KMT2D: variants seen among roughly 807,000 people sequenced by gnomAD.
KMT2D encodes histone-lysine N-methyltransferase 2D.
KMT2D carries 55 observed loss-of-function variants against 512.7 expected under a neutral mutation model. The ratio of observed to expected loss-of-function variants is 0.11; its 90% CI spans 0.09 to 0.13. The LOEUF (loss-of-function observed/expected upper bound fraction) is 0.13. Among genes scored for constraint, KMT2D ranks in the 10% least tolerant of loss-of-function variants. The pLI is 1.00. For missense variants in KMT2D, 6,061 were observed against 7,127.9 expected (o/e 0.85, Z 5.39); for synonymous variants, 2,995 against 2,904.0 (o/e 1.03, Z -1.01).
chr12:49,038,859 T>A lies in KMT2D; in HGVS notation c.8497A>T (p.Met2833Leu). The A allele has an allele frequency of 9.0e-6, 14 of 1,552,692 alleles. No individual in the cohort carries two copies. Among genetic ancestry groups the A allele is most frequent in the South Asian group, 1.2e-5 (1 of 84,168 alleles). The change falls in exon 35 of 55, where the codon ATG (methionine) becomes TTG (leucine). Residue 2833 changes from methionine to leucine, a missense_variant. Transcript: ENST00000301067. The surrounding 1 kb of genome is among the most constrained non-coding windows in gnomAD (Gnocchi z 5.7). ...ATAATSMRFAMSARFPSTPGP... is the reference protein window; with the variant it reads ...ATAATSMRFALSARFPSTPGP... Reference sequence around the variant, plus strand: ...GGAGTTGATGGAAAGCGAGCTGACATGGCAAATCGCATGGAGGTTGCTGCT... The same window carrying A: ...GGAGTTGATGGAAAGCGAGCTGACAAGGCAAATCGCATGGAGGTTGCTGCT...
chr12:49,034,398 C>A lies in KMT2D; in HGVS notation c.10507+12G>T, dbSNP rs765018690. 7.4e-6 allele frequency: 12 copies of A among 1,613,698 alleles called. No individual in the cohort carries two copies. The highest frequency in any genetic ancestry group is 1.6e-4 in the Middle Eastern group (1 of 6,084). ...CACTCCCCTGCACCTTCCTCCCACG[C>A]CCCATACTCACTGATCACTCCCTGA... On this transcript the variant is annotated intron_variant, in intron 38 of 54. Coordinates refer to ENST00000301067, the MANE Select transcript of KMT2D (RefSeq NM_003482.4).
rs2137699792 is a variant in KMT2D at position 49,020,271 on chromosome 12, A to G, written c.*1509T>C. 1 of 164,408 alleles carries G rather than the reference A, an allele frequency of 6.1e-6. No individual in the cohort carries two copies. The highest frequency in any genetic ancestry group is 2.4e-5 in the African/African-American group (1 of 41,212). The allele number at this position is 164,408 out of a possible 1,614,324, so 10.2% of individuals were successfully genotyped here. Reference sequence around the variant, plus strand: ...AGCCTCTATACCCCCATCTTACAGCAGTCACAGCCAGGGGGTGGGGAGTGG... The same window carrying G: ...AGCCTCTATACCCCCATCTTACAGCGGTCACAGCCAGGGGGTGGGGAGTGG... On this transcript the variant is annotated 3_prime_UTR_variant, in exon 55 of 55. Coordinates refer to ENST00000301067, the MANE Select transcript of KMT2D (RefSeq NM_003482.4).
chr12:49,033,113 G>GTGC lies in KMT2D; in HGVS notation c.11589_11591dup (p.Gln3863dup). ...GCCCTGCCATGGACCCTTGCTGTTG[G>GTGC]TGCTGTTGTTGCTGCTGCTGCTGCT... On this transcript the variant is annotated inframe_insertion, in exon 40 of 55. Transcript: ENST00000301067. The GTGC allele has an allele frequency of 6.4e-7, 1 of 1,551,280 alleles. No homozygotes were observed. Among genetic ancestry groups the GTGC allele is most frequent in the Non-Finnish European group, 8.7e-7 (1 of 1,146,832 alleles).
In KMT2D at chr12:49,060,715, G is replaced by T. The variant is rs893520625; in HGVS notation, c.-1140C>A. On this transcript the variant is annotated 5_prime_UTR_variant, in exon 1 of 55. Coordinates refer to ENST00000301067, the MANE Select transcript of KMT2D (RefSeq NM_003482.4). Reference sequence around the variant, plus strand: ...AAGCCTTCGGCGCTAGATCCGGGGGGGCCTTTTGCCCGGGGCACCCCACTC... The same window carrying T: ...AAGCCTTCGGCGCTAGATCCGGGGGTGCCTTTTGCCCGGGGCACCCCACTC... Among the ~76,000 whole-genome samples the T allele has an allele frequency of 3.9e-5, 6 of 152,240 alleles. No homozygotes were observed. The highest frequency in any genetic ancestry group is 9.6e-5 in the African/African-American group (4 of 41,472).
At chr12:49,055,610 G>C (rs370148765) in intron 1 of KMT2D, among the ~76,000 whole-genome samples, 11 of 152,220 alleles carry the variant, frequency 7.2e-5, no homozygotes, top group East Asian at 1.9e-4. Flanking sequence ...CCACTTCCAG[G>C]CTCCTCTGTA....
chr12:49,033,777 G>T lies in KMT2D; in HGVS notation c.10928C>A (p.Pro3643Gln). The T allele has an allele frequency of 6.2e-7, 1 of 1,608,136 alleles. No homozygotes were observed. Among genetic ancestry groups the T allele is most frequent in the Non-Finnish European group, 8.5e-7 (1 of 1,177,362 alleles). Reference sequence around the variant, plus strand: ...TTGCCCACCCGGAGGCCCCTGTGGTGGCTGCAGCCCATGGCCAGGGAGCAG... The same window carrying T: ...TTGCCCACCCGGAGGCCCCTGTGGTTGCTGCAGCCCATGGCCAGGGAGCAG... ...GQLLPGHGLQPPQGPPGGQAG... is the reference protein window; with the variant it reads ...GQLLPGHGLQQPQGPPGGQAG... The change falls in exon 40 of 55, where the codon CCA becomes CAA. Residue 3643 changes from proline to glutamine, a missense_variant. Transcript: ENST00000301067.
rs1356864997 is a variant in KMT2D at position 49,024,565 on chromosome 12, A to G, written c.16052+13T>C. 2 of 1,599,076 alleles carry G rather than the reference A, an allele frequency of 1.3e-6. No individual in the cohort carries two copies. The highest frequency in any genetic ancestry group is 4.5e-5 in the East Asian group (2 of 44,658). On this transcript the variant is annotated intron_variant, in intron 51 of 54. Transcript: ENST00000301067. The surrounding 1 kb of genome is among the most constrained non-coding windows in gnomAD (Gnocchi z 4.5). ...CACACCCACATCCCTTGGCTCCAGC[A>G]TCACAAGCTCACCGTTTGTAGTGTG...
In KMT2D at chr12:49,053,190, A is replaced by C. The variant is rs1253285245; in HGVS notation, c.954+17T>G. 6.2e-7 allele frequency: 1 copy of C among 1,611,666 alleles called. No homozygotes were observed. Among genetic ancestry groups the C allele is most frequent in the Non-Finnish European group, 8.5e-7 (1 of 1,177,766 alleles). On this transcript the variant is annotated intron_variant, in intron 8 of 54. Transcript: ENST00000301067. ...GACACAGTTAGGGACAATAGGGCAG[A>C]ATCAGGGTACACTCACCTTGCACTT...
rs1942569027 is a variant in KMT2D, at chr12:49,026,116, G to T, written c.15784+66C>A. 4 of 1,444,658 alleles carry T rather than the reference G, an allele frequency of 2.8e-6. No individual in the cohort carries two copies. Among genetic ancestry groups the T allele is most frequent in the South Asian group, 1.4e-5 (1 of 73,204 alleles). 89.5% of individuals were successfully genotyped at this position (1,444,658 alleles called of 1,614,324 possible). On this transcript the variant is annotated intron_variant, in intron 49 of 54. Coordinates refer to ENST00000301067, the MANE Select transcript of KMT2D (RefSeq NM_003482.4). The surrounding 1 kb of genome is among the most constrained non-coding windows in gnomAD (Gnocchi z 9.6). The stretch of plus-strand genomic sequence containing the variant: ...AGCTACAGGTCCTCTTATAGACATT[G>T]TAACAGTGACCCTGGGAGAAACTTT...
rs1025682411 is a variant in KMT2D at position 49,059,983 on chromosome 12, G to A, written c.-408C>T. 6.6e-6 allele frequency among the ~76,000 whole-genome samples: 1 copy of A among 151,442 alleles called. No individual in the cohort carries two copies. Among genetic ancestry groups the A allele is most frequent in the African/African-American group, 2.4e-5 (1 of 41,266 alleles). On this transcript the variant is annotated 5_prime_UTR_variant, in exon 1 of 55. Transcript: ENST00000301067. ...GCCAGCGCCCCGGCCGCCCGCGCCG[G>A]GCTCGGGCGGAACGTCGAGGCTCTC...
chr12:49,042,144 G>A lies in KMT2D; in HGVS notation c.6054C>T (p.Ile2018=). Residue 2018 remains isoleucine (I), a synonymous_variant, in exon 29 of 55, where the codon ATC becomes ATT. Coordinates refer to ENST00000301067, the MANE Select transcript of KMT2D (RefSeq NM_003482.4). The surrounding 1 kb of genome is among the most constrained non-coding windows in gnomAD (Gnocchi z 4.4). The part of the protein sequence containing the change: ...KDEELGQLST[I]SPVLYANINF... ...TAATGTTGGCATAGAGCACAGGTGA[G>A]ATGGTGGACAGCTGGCCCAACTCCT... The A allele has an allele frequency of 6.2e-7, 1 of 1,613,524 alleles. No homozygotes were observed. Among genetic ancestry groups the A allele is most frequent in the Non-Finnish European group, 8.5e-7 (1 of 1,179,722 alleles).
chr12:49,038,604 G>A lies in KMT2D; in HGVS notation c.8752C>T (p.Pro2918Ser), dbSNP rs1943338072. 2 of 1,612,894 alleles carry A rather than the reference G, an allele frequency of 1.2e-6. No individual in the cohort carries two copies. ...PVSEDPHRLA[P>S]EGLRGLAVSG... ...ACCGCCAGGCCCCGAAGCCCTTCAGGAGCCAGTCGGTGGGGGTCCTCACTT... is the reference window on the plus strand; with the variant it reads ...ACCGCCAGGCCCCGAAGCCCTTCAGAAGCCAGTCGGTGGGGGTCCTCACTT... Residue 2918 changes from proline to serine, a missense_variant, in exon 35 of 55, where the codon CCT becomes TCT. Coordinates refer to ENST00000301067, the MANE Select transcript of KMT2D (RefSeq NM_003482.4). This position sits in a 1 kb window ranked among gnomAD's most constrained non-coding sequence, Gnocchi z 5.7.
chr12:49,032,667 C>G lies in KMT2D; in HGVS notation c.12038G>C (p.Gly4013Ala), dbSNP rs1592118836. 6.2e-7 allele frequency: 1 copy of G among 1,613,820 alleles called. No homozygotes were observed. The highest frequency in any genetic ancestry group is 8.5e-7 in the Non-Finnish European group (1 of 1,179,846). ...CAGGAGGAGGGTTGGACCCAGGGCT[C>G]CAGGGCTAGAAAAGTGTTGAAGAGG... ...AKPLQHFSSP[G>A]ALGPTLLLTG... is the part of the protein sequence containing the mutation. The change falls in exon 40 of 55, where the codon GGA becomes GCA. Residue 4013 changes from glycine to alanine, a missense_variant. Physicochemically the swap from Gly to Ala is moderately conservative, Grantham distance 60. Transcript: ENST00000301067.
Position 49,033,426 on chromosome 12 carries a change from C to G in KMT2D, c.11279G>C (p.Gly3760Ala). The G allele has an allele frequency of 6.3e-7, 1 of 1,581,344 alleles. No homozygotes were observed. The highest frequency in any genetic ancestry group is 1.1e-5 in the South Asian group (1 of 87,996). Reference sequence around the variant, plus strand: ...AGCTTGGTTTGTCTGTACTCCAGGACCCTGCTGCTGTTGCTGCTGGATTGC... The same window carrying G: ...AGCTTGGTTTGTCTGTACTCCAGGAGCCTGCTGCTGTTGCTGCTGGATTGC... ...QVAIQQQQQQ[G>A]PGVQTNQALG... Residue 3760 changes from glycine to alanine, a missense_variant, in exon 40 of 55, where the codon GGT becomes GCT. Transcript: ENST00000301067.
Position 49,040,289 on chromosome 12 carries a change from A to T in KMT2D, c.7481T>A (p.Phe2494Tyr), listed in dbSNP as rs2120525995. 1.2e-6 allele frequency: 2 copies of T among 1,604,712 alleles called. No individual in the cohort carries two copies. Among genetic ancestry groups the T allele is most frequent in the Non-Finnish European group, 1.7e-6 (2 of 1,174,940 alleles). Residue 2494 changes from phenylalanine (F) to tyrosine (Y), a missense_variant, in exon 32 of 55, where the codon TTC becomes TAC. Physicochemically the swap from Phe to Tyr is conservative, Grantham distance 22. Coordinates refer to ENST00000301067, the MANE Select transcript of KMT2D (RefSeq NM_003482.4). ...TGGCCCCGCGGGCAGGGCTGCTGGG[A>T]ACCCCCCAGCCCCCAGCGAAGTGTG... ...LAHTSLGAGG[F>Y]PAALPAGPAG...
At chr12:49,034,984 G>A (rs555595382) in intron 35 of KMT2D, 49 bp from the exon 36 acceptor site, 1 of 1,604,434 alleles carries the variant, frequency 6.2e-7, no homozygotes, top group Admixed American at 1.7e-5. Context: ...CAATGCTCCA[G>A]TGAATATCTG....
rs1392869251 is a variant in KMT2D, at chr12:49,039,106, A to AAAG, written c.8366+115_8366+116insCTT. ...CAGTGAGGGAGAAAAGGAATGAGGA[A>AAAG]GAAGAGAAAGTGATACTGGAAAAGG... On this transcript the variant is annotated intron_variant, in intron 34 of 54. Coordinates refer to ENST00000301067, the MANE Select transcript of KMT2D (RefSeq NM_003482.4). This position sits in a 1 kb window ranked among gnomAD's most constrained non-coding sequence, Gnocchi z 5.0. 1.3e-6 allele frequency: 2 copies of AAAG among 1,525,948 alleles called. No individual in the cohort carries two copies. The highest frequency in any genetic ancestry group is 1.8e-6 in the Non-Finnish European group (2 of 1,106,232). 94.5% of individuals were successfully genotyped at this position (1,525,948 alleles called of 1,614,324 possible). A position where few individuals can be genotyped will look rare whatever the true frequency, so the allele number is the denominator to read the frequency against.
chr12:49,041,414 G>A lies in KMT2D; in HGVS notation c.6356C>T (p.Ala2119Val). The change falls in exon 32 of 55, where the codon GCT becomes GTT. Residue 2119 changes from alanine (A) to valine (V), a missense_variant. Ala to Val is a moderately conservative substitution (Grantham distance 64). Around this residue, in one of 16 missense-constraint regions of KMT2D, gnomAD observed 710 missense variants for 647.3 expected, o/e 1.10. Coordinates refer to ENST00000301067, the MANE Select transcript of KMT2D (RefSeq NM_003482.4). The surrounding 1 kb of genome is among the most constrained non-coding windows in gnomAD (Gnocchi z 5.4). The part of the protein sequence containing the change: ...QPGALGSPPP[A>V]AAPTIFIGSP... ...GCCAATGAAAATGGTGGGGGCAGCA[G>A]CGGGGGGCGGGCTGCCCAGTGCCCC... 1 of 1,606,632 alleles carries A rather than the reference G, an allele frequency of 6.2e-7. No individual in the cohort carries two copies. The highest frequency in any genetic ancestry group is 8.5e-7 in the Non-Finnish European group (1 of 1,174,512).
chr12:49,047,885 G>T, intron 15 of KMT2D, 80 bp downstream of exon 15: 1 of 958,268 alleles, frequency 1.0e-6, no homozygotes, highest in Non-Finnish European at 1.7e-6. Flanking sequence ...TTTAAGAGGT[G>T]GTATGGCCAG....
Sources: allele counts gnomAD v4.1 joint callset (sites outside exome capture counted in the v4.1 genomes callset), GRCh38; gene constraint gnomAD v4.1.1; regional missense constraint gnomAD v4.1.1; non-coding constraint Gnocchi (gnomAD v3.1); transcripts MANE v1.5; gene names NCBI Gene and HGNC (gene_info 2026-07-23, HGNC 2026-07-21).